Variants in OPCML observed in about 807,000 individuals in gnomAD.
OPCML encodes opioid-binding protein/cell adhesion molecule.
Under a neutral mutation model 37.8 loss-of-function variants are expected in OPCML, and 13 were observed. That is an observed-to-expected ratio of 0.34 (90% CI 0.22 to 0.55). OPCML has a LOEUF of 0.55. Ranked by LOEUF, OPCML falls within the 20% of genes least tolerant of loss-of-function variation. The pLI is 0.91. For missense variants in OPCML, 341 were observed against 435.6 expected (o/e 0.78, Z 1.93); for synonymous variants, 176 against 168.8 (o/e 1.04, Z -0.33).
At chr11:133,249,336 G>A (rs1257625510) in intron 1 of OPCML, among the ~76,000 whole-genome samples, 2 of 152,164 alleles carry the variant, frequency 1.3e-5, no homozygotes, top group African/African-American at 4.8e-5. Context: ...TCTTTTGAAC[G>A]ATCAGTTCTG....
chr11:133,323,322 C>A (rs553258831), intron 1 of OPCML, among the ~76,000 whole-genome samples: 102 of 152,286 alleles, frequency 6.7e-4, no homozygotes, highest in Non-Finnish European at 1.1e-3. Flanking sequence ...CTGTTCAATT[C>A]TAATGCTTAT....
At chr11:133,460,343 A>G (rs1158483119) in intron 1 of OPCML, among the ~76,000 whole-genome samples, 1 of 151,920 alleles carries the variant, frequency 6.6e-6, no homozygotes, top group Non-Finnish European at 1.5e-5. Context: ...CAAAACTAGC[A>G]GAAGGAATGA....
At chr11:133,325,960 G>T (rs1008970918) in intron 1 of OPCML, among the ~76,000 whole-genome samples, 1 of 152,096 alleles carries the variant, frequency 6.6e-6, no homozygotes, top group Non-Finnish European at 1.5e-5. Flanking sequence ...ACAATAGAAC[G>T]GAAGGCCTTG....
At chr11:133,088,231 G>A (rs920526845) in intron 1 of OPCML, among the ~76,000 whole-genome samples, 22 of 68,200 alleles carry the variant, frequency 3.2e-4, no homozygotes, top group Non-Finnish European at 4.8e-4. Flanking sequence ...GCTTTGCTAA[G>A]TACTGAGACA....
intron 1 of OPCML, among the ~76,000 whole-genome samples, chr11:133,125,527 G>A (rs1231458507): frequency 2.7e-5 from 4 of 149,242 alleles, no homozygotes; most frequent in Non-Finnish European, 5.9e-5. Flanking sequence ...GTGTATTAGT[G>A]TTCTCCAGAG....
At chr11:133,034,989 G>T (rs148830093) in intron 1 of OPCML, among the ~76,000 whole-genome samples, 92 of 152,266 alleles carry the variant, frequency 6.0e-4, no homozygotes, top group Non-Finnish European at 1.1e-3. Flanking sequence ...GTCCTCTTAG[G>T]CATGGTCCCC....
rs568490882 is a variant in OPCML, at chr11:133,208,645, T to C, written c.62-265635A>G. ...ATCTCACCTCGAGTTATCCTTTGTC[T>C]GCTGTTAAGCTTCATGCACCTTCTC... On this transcript the variant is annotated intron_variant, in intron 1 of 7. Transcript: ENST00000524381. This position sits in a 1 kb window ranked among gnomAD's most constrained non-coding sequence, Gnocchi z 8.9. Among the ~76,000 whole-genome samples, 26 of 152,226 alleles carry C rather than the reference T, an allele frequency of 1.7e-4. No homozygotes were observed. The highest frequency in any genetic ancestry group is 3.1e-4 in the Non-Finnish European group (21 of 68,044).
intron 2 of OPCML, among the ~76,000 whole-genome samples, chr11:132,863,889 G>T (rs2136368939): frequency 6.6e-6 from 1 of 152,128 alleles, no homozygotes; most frequent in East Asian, 1.9e-4. Flanking sequence ...GCAGGAAAAT[G>T]GACAATTTTC....
intron 3 of OPCML, among the ~76,000 whole-genome samples, chr11:132,591,137 G>A (rs2096483761): frequency 6.6e-6 from 1 of 152,092 alleles, no homozygotes; most frequent in African/African-American, 2.4e-5. Flanking sequence ...GTTATCCCCG[G>A]CCTGAGGCTG....
chr11:132,545,416 G>T (rs1364654209), intron 3 of OPCML, among the ~76,000 whole-genome samples: 1 of 152,106 alleles, frequency 6.6e-6, no homozygotes, highest in Non-Finnish European at 1.5e-5. Flanking sequence ...CCAGTAAATA[G>T]GAAACTTGCT....
rs369618576 is a variant in OPCML, at chr11:133,110,543, T to TTGAGAAGGGCCTTGATCTTAAA, written c.62-167555_62-167534dup. Among the ~76,000 whole-genome samples the TTGAGAAGGGCCTTGATCTTAAA allele has an allele frequency of 1.7e-3, 266 of 152,260 alleles. 1 individual carries two copies. Among genetic ancestry groups the TTGAGAAGGGCCTTGATCTTAAA allele is most frequent in the African/African-American group, 6.3e-3 (262 of 41,544 alleles). Reference sequence around the variant, plus strand: ...ATGTTAGTGAAAGAAGGATAGTGTTTTGAGAAGGGCCTTGATCTTAAAGTC... The same window carrying TTGAGAAGGGCCTTGATCTTAAA: ...ATGTTAGTGAAAGAAGGATAGTGTTTTGAGAAGGGCCTTGATCTTAAATGAGAAGGGCCTTGATCTTAAAGTC... On this transcript the variant is annotated intron_variant, in intron 1 of 7. Coordinates refer to ENST00000524381, the MANE Select transcript of OPCML (RefSeq NM_001012393.5).
chr11:133,040,962 G>T (rs953549742), intron 1 of OPCML, among the ~76,000 whole-genome samples: 4 of 152,180 alleles, frequency 2.6e-5, no homozygotes, highest in Non-Finnish European at 5.9e-5. Flanking sequence ...CTAGAGATCA[G>T]CAGGGAAGGA....
At chr11:132,695,472 T>TTA (rs1943567910) in intron 2 of OPCML, among the ~76,000 whole-genome samples, 1 of 152,110 alleles carries the variant, frequency 6.6e-6, no homozygotes, top group Admixed American at 6.6e-5. Flanking sequence ...GCATGAGAGC[T>TTA]TATATAACAC....
chr11:132,609,411 T>C (rs1372085881), intron 3 of OPCML, among the ~76,000 whole-genome samples: 1 of 152,148 alleles, frequency 6.6e-6, no homozygotes, highest in Admixed American at 6.5e-5. Context: ...ATTCACAAGC[T>C]ACTCCTGGCA....
chr11:132,448,140 CT>C (rs1288653676), intron 4 of OPCML, among the ~76,000 whole-genome samples: 1 of 152,200 alleles, frequency 6.6e-6, no homozygotes, highest in Non-Finnish European at 1.5e-5. Flanking sequence ...GGGAAATGCC[CT>C]TTTGAGGAAC....
chr11:133,024,895 A>G, intron 1 of OPCML: 2 of 985,424 alleles, frequency 2.0e-6, no homozygotes, highest in South Asian at 4.7e-5. Flanking sequence ...TAGAGTGCAT[A>G]AAGATTATCT....
chr11:133,446,730 A>T (rs906392301), intron 1 of OPCML, among the ~76,000 whole-genome samples: 4 of 152,224 alleles, frequency 2.6e-5, no homozygotes, highest in African/African-American at 9.6e-5. Flanking sequence ...CCAGGCAACC[A>T]TAAGCTACTT....
chr11:133,531,965 G>A (rs967123030), intron 1 of OPCML, among the ~76,000 whole-genome samples: 4 of 152,142 alleles, frequency 2.6e-5, no homozygotes, highest in Admixed American at 2.6e-4. Flanking sequence ...GCTGGTTAAT[G>A]CCAGTTGGTG....
chr11:132,548,192 G>A (rs1450215054), intron 3 of OPCML, among the ~76,000 whole-genome samples: 2 of 152,306 alleles, frequency 1.3e-5, no homozygotes, highest in South Asian at 2.1e-4. Context: ...CCTGGGGAAG[G>A]CATAGGAGCT....
Sources: allele counts gnomAD v4.1 joint callset (sites outside exome capture counted in the v4.1 genomes callset), GRCh38; gene constraint gnomAD v4.1.1; non-coding constraint Gnocchi (gnomAD v3.1); transcripts MANE v1.5; gene names NCBI Gene and HGNC (gene_info 2026-07-23, HGNC 2026-07-21).